ODR4: variants seen among roughly 807,000 people sequenced by gnomAD.
ODR4 encodes protein odr-4 homolog.
Under a neutral mutation model 60.2 loss-of-function variants are expected in ODR4, and 47 were observed. The ratio of observed to expected loss-of-function variants is 0.78; its 90% CI spans 0.62 to 1.00. The LOEUF is 1.00. Ranked by LOEUF, ODR4 falls within the 50% of genes least tolerant of loss-of-function variation. The probability of loss-of-function intolerance (pLI) is 0.00; values close to 1 mark genes in which losing one functional copy is unlikely to be tolerated. For synonymous variants in ODR4, 178 were observed against 175.5 expected (o/e 1.01, Z -0.11); for missense variants, 488 against 530.8 (o/e 0.92, Z 0.79).
At chr1:186,432,425 G>A in the ODR4 span, among the ~76,000 whole-genome samples, 12 of 151,904 alleles carry the variant, frequency 7.9e-5, no homozygotes, top group African/African-American at 2.9e-4. Context: ...CTCCTTTTCT[G>A]TTCTCTGAAA....
At chr1:186,423,730 C>T (rs892652382), downstream of ODR4, among the ~76,000 whole-genome samples, 1 of 152,008 alleles carries the variant, frequency 6.6e-6, no homozygotes, top group East Asian at 1.9e-4. Context: ...GCTGGGATTA[C>T]AGGTGTGAGC....
Position 186,407,126 on chromosome 1 carries a change from T to A in ODR4, c.1186+858T>A, listed in dbSNP as rs1337678780. Among the ~76,000 whole-genome samples, 5 of 152,202 alleles carry A rather than the reference T, an allele frequency of 3.3e-5. No homozygotes were observed. The East Asian group carries it at 5.8e-4, about 18-fold the overall frequency. The stretch of plus-strand genomic sequence containing the variant: ...GTTTTTCAGCAATACCAGATCGTGA[T>A]GTAGAGCAATAAGCTTGTTTCAGTG... On this transcript the variant is annotated intron_variant, in intron 12 of 13. Coordinates refer to ENST00000287859, the MANE Select transcript of ODR4 (RefSeq NM_017847.6).
At position 186,420,440 on chromosome 1, in the gene ODR4, A is replaced by C. The variant is rs1052817444; in HGVS notation, c.*1364A>C. 2.6e-5 allele frequency: 4 copies of C among 152,200 alleles called. No homozygotes were observed. Among genetic ancestry groups the C allele is most frequent in the African/African-American group, 7.2e-5 (3 of 41,458 alleles). 9.4% of individuals were successfully genotyped at this position (152,200 alleles called of 1,614,324 possible). On this transcript the variant is annotated 3_prime_UTR_variant, in exon 14 of 14. Coordinates refer to ENST00000287859, the MANE Select transcript of ODR4 (RefSeq NM_017847.6). Reference sequence around the variant, plus strand: ...TCAAGTAGTAGTATTTTATGACTAGAGATCACAGGCACAAGTTGAAACAAA... The same window carrying C: ...TCAAGTAGTAGTATTTTATGACTAGCGATCACAGGCACAAGTTGAAACAAA...
rs145063246 is a variant in ODR4, at chr1:186,379,891, A to G, written c.99+7A>G. The stretch of plus-strand genomic sequence containing the variant: ...TGGCCTTTTAATAGGACAGGTATGT[A>G]TCTTTTACTCTGCATTTATAACTAA... On this transcript the variant is annotated splice_region_variant and intron_variant, in intron 2 of 13. Coordinates refer to ENST00000287859, the MANE Select transcript of ODR4 (RefSeq NM_017847.6). 495 of 1,465,662 alleles carry G rather than the reference A, an allele frequency of 3.4e-4. 3 individuals carry two copies. The African/African-American group carries it at 6.3e-3, about 19-fold the overall frequency. The allele number at this position is 1,465,662 out of a possible 1,614,324, so 90.8% of individuals were successfully genotyped here.
intron 11 of ODR4, among the ~76,000 whole-genome samples, chr1:186,404,881 A>G (rs1661115452): frequency 6.6e-6 from 1 of 152,192 alleles, no homozygotes; most frequent in African/African-American, 2.4e-5. Context: ...TTTTAATCAT[A>G]TCTGTTGCTG....
At chr1:186,390,671 G>GACT in intron 6 of ODR4, 40 bp from the exon 7 acceptor site, 1 of 1,599,678 alleles carries the variant, frequency 6.3e-7, no homozygotes. Flanking sequence ...ATTTTATCTA[G>GACT]ACTACATCAT....
chr1:186,398,178 G>T (rs867046973), intron 9 of ODR4, 135 bp from the exon 10 acceptor site: 3 of 667,594 alleles, frequency 4.5e-6, no homozygotes, highest in Non-Finnish European at 6.7e-6. Context: ...TAAATAATTT[G>T]CAGAGAATAA....
At chr1:186,429,563 G>C in the ODR4 span, among the ~76,000 whole-genome samples, 2 of 152,144 alleles carry the variant, frequency 1.3e-5, no homozygotes, top group African/African-American at 4.8e-5. Context: ...ATCGCAGTCT[G>C]TCTTTTACTA....
At chr1:186,410,474 G>A (rs916235586) in intron 12 of ODR4, among the ~76,000 whole-genome samples, 1 of 152,100 alleles carries the variant, frequency 6.6e-6, no homozygotes, top group Non-Finnish European at 1.5e-5. Flanking sequence ...CAATATAATA[G>A]ATATGAATCA....
At chr1:186,427,639 T>C in the ODR4 span, among the ~76,000 whole-genome samples, 1 of 152,262 alleles carries the variant, frequency 6.6e-6, no homozygotes, top group Admixed American at 6.5e-5. Flanking sequence ...GAGTCACAAA[T>C]GTTCTTAATG....
At chr1:186,402,190 C>CTTTCTT (rs1660992629) in intron 11 of ODR4, among the ~76,000 whole-genome samples, 2 of 131,306 alleles carry the variant, frequency 1.5e-5, no homozygotes, top group Admixed American at 7.6e-5. Context: ...GCATCCTATT[C>CTTTCTT]TTTCTTTCTT....
At chr1:186,426,013 T>G (rs1286598331), downstream of ODR4, among the ~76,000 whole-genome samples, 3 of 152,192 alleles carry the variant, frequency 2.0e-5, no homozygotes, top group Non-Finnish European at 4.4e-5. Context: ...TTGGATAGAT[T>G]CACAAATTTA....
At position 186,417,577 on chromosome 1, in the gene ODR4, C is replaced by T; in HGVS notation, c.1220C>T (p.Ser407Leu). ...AGTTCTTCTATGAATAGTCAAGCTT[C>T]ATTGGACAACACAGATGATGAACAA... Reference protein sequence around the residue: ...CMSSSMNSQASLDNTDDEQPK... With the variant: ...CMSSSMNSQALLDNTDDEQPK... The change falls in exon 13 of 14, where the codon TCA becomes TTA. Residue 407 changes from serine to leucine, a missense_variant. By Grantham distance (145) the Ser-to-Leu change is moderately radical (BLOSUM62 -2). Transcript: ENST00000287859. 1 of 1,600,196 alleles carries T rather than the reference C, an allele frequency of 6.2e-7. No individual in the cohort carries two copies. The highest frequency in any genetic ancestry group is 1.1e-5 in the South Asian group (1 of 88,954).
chr1:186,405,228 C>G (rs931623900), intron 11 of ODR4, among the ~76,000 whole-genome samples: 1 of 151,910 alleles, frequency 6.6e-6, no homozygotes, highest in African/African-American at 2.4e-5. Flanking sequence ...GTATGTATGA[C>G]TAGATGTCCT....
intron 2 of ODR4, among the ~76,000 whole-genome samples, chr1:186,381,332 C>CTTCTTTTTTTTTTTTTTTTTT (rs1558057831): frequency 2.1e-4 from 31 of 144,610 alleles, no homozygotes; most frequent in African/African-American, 7.6e-4. Context: ...GGCCTTCCTT[C>CTTCTTTTTTTTTTTTTTTTTT]TTTTTTTTTT....
At position 186,406,283 on chromosome 1, in the gene ODR4, C is replaced by G; in HGVS notation, c.1186+15C>G. Reference sequence around the variant, plus strand: ...AACAAACACAGGTCATTATATGATGCTATTTAAGAACCTGGTTAGATTACA... The same window carrying G: ...AACAAACACAGGTCATTATATGATGGTATTTAAGAACCTGGTTAGATTACA... On this transcript the variant is annotated intron_variant, in intron 12 of 13. Coordinates refer to ENST00000287859, the MANE Select transcript of ODR4 (RefSeq NM_017847.6). 2 of 1,549,930 alleles carry G rather than the reference C, an allele frequency of 1.3e-6. No homozygotes were observed.
chr1:186,433,326 TAA>T, the ODR4 span, among the ~76,000 whole-genome samples: 1 of 152,190 alleles, frequency 6.6e-6, no homozygotes, highest in South Asian at 2.1e-4. Flanking sequence ...TATTTTTTTT[TAA>T]GTTTTAAGAA....
chr1:186,406,676 A>G (rs1282248600), intron 12 of ODR4, among the ~76,000 whole-genome samples: 1 of 149,524 alleles, frequency 6.7e-6, no homozygotes, highest in East Asian at 2.0e-4. Flanking sequence ...CATTTTCTCC[A>G]TATTATTTGC....
At chr1:186,405,218 G>C (rs1571691268) in intron 11 of ODR4, among the ~76,000 whole-genome samples, 1 of 152,166 alleles carries the variant, frequency 6.6e-6, no homozygotes, top group Non-Finnish European at 1.5e-5. Flanking sequence ...ACACAAAACT[G>C]TATGTATGAC....
Sources: allele counts gnomAD v4.1 joint callset (sites outside exome capture counted in the v4.1 genomes callset), GRCh38; gene constraint gnomAD v4.1.1; transcripts MANE v1.5; gene names NCBI Gene and HGNC (gene_info 2026-07-23, HGNC 2026-07-21).